Variants in SLF1 observed in about 807,000 individuals in gnomAD.
SLF1 encodes SMC5/6 complex localization factor 1, also known as SMC5-SMC6 complex localization factor protein 1.
A neutral mutation model predicts 123.0 loss-of-function variants in SLF1; 105 were observed. The ratio of observed to expected loss-of-function variants is 0.85; its 90% confidence interval spans 0.73 to 1.00. The LOEUF is 1.00. SLF1 is among the 50% of genes least tolerant of loss of function. The pLI is 0.00. For synonymous variants in SLF1, 434 were observed against 406.6 expected (o/e 1.07, Z -0.81); for missense variants, 1,239 against 1,223.0 (o/e 1.01, Z -0.20).
intron 11 of SLF1, among the ~76,000 whole-genome samples, chr5:94,665,336 T>G (rs1749617074): frequency 6.6e-6 from 1 of 152,214 alleles, no homozygotes; most frequent in Non-Finnish European, 1.5e-5. Flanking sequence ...TTAAAACCTG[T>G]TATTCAGGTA....
chr5:94,680,415 C>A (rs1359364800), intron 15 of SLF1, among the ~76,000 whole-genome samples: 1 of 152,098 alleles, frequency 6.6e-6, no homozygotes, highest in African/African-American at 2.4e-5. Flanking sequence ...CCTGCAGAAC[C>A]CTTTCTTATA....
chr5:94,685,610 T>A (rs1201813684), intron 15 of SLF1, among the ~76,000 whole-genome samples: 1 of 152,154 alleles, frequency 6.6e-6, no homozygotes, highest in Admixed American at 6.5e-5. Context: ...CATTTTCTTC[T>A]TATTGAAGTT....
intron 5 of SLF1, among the ~76,000 whole-genome samples, chr5:94,647,740 A>G (rs567079248): frequency 3.4e-5 from 5 of 145,040 alleles, no homozygotes; most frequent in South Asian, 4.4e-4. Flanking sequence ...GTCACCAATT[A>G]GACAAAGTAT....
At chr5:94,642,753 C>T (rs1375946274) in intron 4 of SLF1, among the ~76,000 whole-genome samples, 3 of 151,952 alleles carry the variant, frequency 2.0e-5, no homozygotes, top group Admixed American at 6.6e-5. Context: ...TGTATTTTTT[C>T]ATTTGTTTTT....
intron 15 of SLF1, among the ~76,000 whole-genome samples, chr5:94,681,191 A>G (rs1223314420): frequency 6.6e-6 from 1 of 151,994 alleles, no homozygotes; most frequent in African/African-American, 2.4e-5. Flanking sequence ...GTGCAGTGGC[A>G]TGATCTCGGC....
At chr5:94,627,585 C>CAGATATATATAT (rs1744606704) in intron 1 of SLF1, among the ~76,000 whole-genome samples, 1 of 86,824 alleles carries the variant, frequency 1.2e-5, no homozygotes, top group Non-Finnish European at 2.4e-5. Flanking sequence ...ATGAAATTAA[C>CAGATATATATAT]ATATATATAT....
chr5:94,641,435 A>G (rs1399107764), intron 4 of SLF1, among the ~76,000 whole-genome samples: 1 of 152,210 alleles, frequency 6.6e-6, no homozygotes, highest in African/African-American at 2.4e-5. Flanking sequence ...CTTATAAATT[A>G]CCAAGTCTTC....
rs1745090370 is a variant in SLF1, at chr5:94,630,552, C to G, written c.240C>G (p.Gly80=). ...ATATAATTCATAGTGCCAAAAGTGGCAGATGGCTTGATGAAACAACTTATG... is the reference window on the plus strand; with the variant it reads ...ATATAATTCATAGTGCCAAAAGTGGGAGATGGCTTGATGAAACAACTTATG... ...KDYIIHSAKS[G]RWLDETTYEW... Residue 80 remains glycine, a synonymous_variant, in exon 4 of 21, where the codon GGC becomes GGG. Transcript: ENST00000265140. 2 of 1,551,358 alleles carry G rather than the reference C, an allele frequency of 1.3e-6. No individual in the cohort carries two copies. Among genetic ancestry groups the G allele is most frequent in the Non-Finnish European group, 1.7e-6 (2 of 1,146,876 alleles).
chr5:94,636,710 A>ATTTTTTTTT (rs140191160), intron 4 of SLF1, among the ~76,000 whole-genome samples: 15 of 75,462 alleles, frequency 2.0e-4, no homozygotes, highest in East Asian at 3.9e-4. Flanking sequence ...TATTTTACTG[A>ATTTTTTTTT]TTTTTTTTTT....
At chr5:94,639,011 T>C (rs1482150481) in intron 4 of SLF1, among the ~76,000 whole-genome samples, 2 of 151,690 alleles carry the variant, frequency 1.3e-5, no homozygotes, top group Non-Finnish European at 2.9e-5. Flanking sequence ...CTGTTTATTT[T>C]TTTCTCATCT....
At chr5:94,625,211 A>G (rs1054377249) in intron 1 of SLF1, among the ~76,000 whole-genome samples, 2 of 148,496 alleles carry the variant, frequency 1.3e-5, no homozygotes, top group Non-Finnish European at 3.0e-5. Flanking sequence ...AAAAAAAAAT[A>G]TTAAACAATA....
chr5:94,662,812 C>T (rs963062116), intron 10 of SLF1, among the ~76,000 whole-genome samples: 1 of 152,096 alleles, frequency 6.6e-6, no homozygotes, highest in African/African-American at 2.4e-5. Context: ...GGCTTGAGGC[C>T]CTTGTTTCCT....
chr5:94,633,342 T>C (rs1450026519), intron 4 of SLF1, among the ~76,000 whole-genome samples: 6 of 152,236 alleles, frequency 3.9e-5, no homozygotes, highest in Admixed American at 6.5e-5. Flanking sequence ...TAAACTGTAC[T>C]TCATCATGGT....
intron 11 of SLF1, among the ~76,000 whole-genome samples, chr5:94,664,853 C>T (rs2152487290): frequency 6.6e-6 from 1 of 152,268 alleles, no homozygotes; most frequent in South Asian, 2.1e-4. Context: ...GAAATCTGCA[C>T]ATAATCAAGT....
In SLF1 at chr5:94,654,753, G is replaced by T; in HGVS notation, c.1155+1G>T. The T allele has an allele frequency of 1.3e-6, 2 of 1,492,592 alleles. No homozygotes were observed. The highest frequency in any genetic ancestry group is 1.8e-6 in the Non-Finnish European group (2 of 1,121,728). 92.5% of individuals were successfully genotyped at this position (1,492,592 alleles called of 1,614,324 possible). A position where few individuals can be genotyped will look rare whatever the true frequency, so the allele number is the denominator to read the frequency against. ...AAGGAAGCACATATATAGAGCTCAG[G>T]TAAAACTTGGCACATGAAAAATTTT... On this transcript the variant is annotated splice_donor_variant, in intron 9 of 20. Transcript: ENST00000265140. LOFTEE classifies it high-confidence loss of function.
At chr5:94,645,482 A>T (rs544908881) in intron 5 of SLF1, among the ~76,000 whole-genome samples, 7 of 152,334 alleles carry the variant, frequency 4.6e-5, no homozygotes, top group African/African-American at 1.7e-4. Context: ...ACATTATCTG[A>T]TAGACCGCTC....
At chr5:94,658,251 A>C (rs892550711) in intron 9 of SLF1, among the ~76,000 whole-genome samples, 1 of 145,674 alleles carries the variant, frequency 6.9e-6, no homozygotes. Context: ...TTGTGTTTTC[A>C]TGGTGGTAGA....
chr5:94,670,119 A>G, intron 12 of SLF1, 32 bp from the exon 13 acceptor site: 1 of 1,514,928 alleles, frequency 6.6e-7, no homozygotes, highest in Non-Finnish European at 8.8e-7. Flanking sequence ...AATTGCTTGT[A>G]TGTTATAGAT....
intron 9 of SLF1, among the ~76,000 whole-genome samples, chr5:94,659,928 A>G (rs774682274): frequency 6.6e-6 from 1 of 152,130 alleles, no homozygotes; most frequent in Non-Finnish European, 1.5e-5. Context: ...TCGGGCCCCC[A>G]AGTAGCAAAC....
Sources: allele counts gnomAD v4.1 joint callset (sites outside exome capture counted in the v4.1 genomes callset), GRCh38; gene constraint gnomAD v4.1.1; transcripts MANE v1.5; gene names NCBI Gene and HGNC (gene_info 2026-07-23, HGNC 2026-07-21).